SLC25A14: variants seen among roughly 807,000 people sequenced by gnomAD.
SLC25A14 encodes solute carrier family 25 member 14, also known as brain mitochondrial carrier protein 1.
In SLC25A14, 8 loss-of-function variants were observed where a neutral mutation model predicts 28.1. The observed-to-expected ratio is 0.28, with a 90% CI of 0.17 to 0.51. The LOEUF is 0.51. Among genes scored for constraint, SLC25A14 ranks in the 20% least tolerant of loss-of-function variants. The pLI is 0.97. For missense variants in SLC25A14, 135 were observed against 263.8 expected, an observed-to-expected ratio of 0.51 and a Z score of 3.38; for synonymous variants, 74 against 90.6, an observed-to-expected ratio of 0.82 and a Z score of 1.04.
chrX:130,367,804 T>TTTTA (rs1402453947), intron 9 of SLC25A14, among the ~76,000 whole-genome samples: 2 of 111,680 alleles, frequency 1.8e-5, no homozygotes, highest in South Asian at 7.6e-4. Flanking sequence ...GAATACCAAT[T>TTTTA]TTTATTTATT....
chrX:130,339,988 C>T lies in SLC25A14; in HGVS notation c.-173+12C>T. 1 of 924,527 alleles carries T rather than the reference C, an allele frequency of 1.1e-6. No homozygotes were observed. The highest frequency in any genetic ancestry group is 5.5e-5 in the East Asian group (1 of 18,044). 76.2% of individuals were successfully genotyped at this position (924,527 alleles called of 1,213,427 possible). The stretch of plus-strand genomic sequence containing the variant: ...ATGAGCCCGAGCAGGTGAGGGGGAG[C>T]TCCTGGACTTCCAGGCTGGGGAGCG... On this transcript the variant is annotated intron_variant, in intron 1 of 10. Coordinates refer to ENST00000545805, the MANE Select transcript of SLC25A14 (RefSeq NM_001282195.2).
In SLC25A14 at chrX:130,372,944, A is replaced by T; in HGVS notation, c.972A>T (p.Gln324His). The T allele has an allele frequency of 1.7e-6, 2 of 1,185,044 alleles. No individual in the cohort carries two copies. The highest frequency in any genetic ancestry group is 2.3e-6 in the Non-Finnish European group (2 of 873,965). ...CATACGAGCAGCTAAAGAGGCTTCA[A>T]ATCTAAGAACTGAATTATATGTGAG... ...FITYEQLKRL[Q>H]I The change falls in exon 11 of 11, where the codon CAA (glutamine) becomes CAT (histidine). Residue 324 changes from glutamine to histidine, a missense_variant. Transcript: ENST00000545805.
chrX:130,345,590 CTT>C (rs1010169129), intron 3 of SLC25A14, among the ~76,000 whole-genome samples: 2 of 111,671 alleles, frequency 1.8e-5, no homozygotes, highest in Non-Finnish European at 3.8e-5. Context: ...TATTAATAGT[CTT>C]TTATGCTAAA....
intron 7 of SLC25A14, 157 bp downstream of exon 7, chrX:130,358,892 C>A: frequency 1.5e-6 from 1 of 659,832 alleles, no homozygotes; most frequent in Non-Finnish European, 2.4e-6. Flanking sequence ...TTATCATTGG[C>A]CTTTTATTTC....
At chrX:130,348,536 C>T (rs773086098) in intron 4 of SLC25A14, among the ~76,000 whole-genome samples, 2 of 110,044 alleles carry the variant, frequency 1.8e-5, no homozygotes, top group African/African-American at 6.6e-5. Flanking sequence ...GTGCTAGTCC[C>T]TGTTTCATTT....
intron 6 of SLC25A14, among the ~76,000 whole-genome samples, chrX:130,357,136 A>G (rs777655814): frequency 3.1e-4 from 35 of 112,329 alleles, no homozygotes; most frequent in Admixed American, 6.6e-4. Flanking sequence ...GTCCCCTTTG[A>G]TGCAGAATGT....
chrX:130,349,357 T>G lies in SLC25A14; in HGVS notation c.412+12T>G. The G allele has an allele frequency of 1.9e-6, 2 of 1,042,529 alleles. No homozygotes were observed. Among genetic ancestry groups the G allele is most frequent in the Non-Finnish European group, 2.7e-6 (2 of 751,210 alleles). 85.9% of individuals were successfully genotyped at this position (1,042,529 alleles called of 1,213,427 possible). ...AGAACGTTTAGAAGGTCAGTATACTTACCCTCTTTTGAGGTGATACTCAAA... is the reference window on the plus strand; with the variant it reads ...AGAACGTTTAGAAGGTCAGTATACTGACCCTCTTTTGAGGTGATACTCAAA... On this transcript the variant is annotated intron_variant, in intron 5 of 10. Transcript: ENST00000545805.
intron 7 of SLC25A14, among the ~76,000 whole-genome samples, chrX:130,362,589 G>A (rs1263767104): frequency 4.5e-5 from 5 of 111,968 alleles, no homozygotes; most frequent in Non-Finnish European, 9.4e-5. Context: ...GATGTATTTC[G>A]TTCTAATCCT....
At chrX:130,340,032 C>T (rs2033194368) in intron 1 of SLC25A14, 56 bp downstream of exon 1, 1 of 986,060 alleles carries the variant, frequency 1.0e-6, no homozygotes, top group Non-Finnish European at 1.3e-6. Flanking sequence ...CCGCGCCAGG[C>T]CGCGCGGGGC....
At chrX:130,345,110 TA>T in intron 2 of SLC25A14, 71 bp from the exon 3 acceptor site, 1 of 745,397 alleles carries the variant, frequency 1.3e-6, no homozygotes, top group Non-Finnish European at 2.0e-6. Flanking sequence ...TTTGTTTATC[TA>T]AATTATATGA....
intron 9 of SLC25A14, among the ~76,000 whole-genome samples, chrX:130,368,546 G>A (rs2034180497): frequency 4.5e-5 from 5 of 112,153 alleles, no homozygotes; most frequent in African/African-American, 3.2e-5. Flanking sequence ...ATGATAAATA[G>A]ACAAATGTAA....
chrX:130,368,744 A>G (rs937021827), intron 9 of SLC25A14, among the ~76,000 whole-genome samples: 10 of 112,212 alleles, frequency 8.9e-5, no homozygotes, highest in African/African-American at 3.2e-4. Context: ...GAGGAAACTT[A>G]GGTTCAGAGT....
At position 130,358,720 on chromosome X, in the gene SLC25A14, C is replaced by G. The variant is rs1198570306; in HGVS notation, c.579C>G (p.Thr193=). 8 of 1,180,262 alleles carry G rather than the reference C, an allele frequency of 6.8e-6. No individual in the cohort carries two copies. The highest frequency in any genetic ancestry group is 9.2e-6 in the Non-Finnish European group (8 of 867,722). The change falls in exon 7 of 11, where the codon ACC becomes ACG. Residue 193 remains threonine, a synonymous_variant. Coordinates refer to ENST00000545805, the MANE Select transcript of SLC25A14 (RefSeq NM_001282195.2). ...TCGATATATACCAACAAGAAGGCAC[C>G]AGGGGTCTGTGGAGGGTAAGTACTC... ...SFIDIYQQEG[T]RGLWRGVVPT... is the part of the protein sequence containing the mutation.
At chrX:130,351,289 G>A (rs750856616) in intron 6 of SLC25A14, among the ~76,000 whole-genome samples, 2 of 111,646 alleles carry the variant, frequency 1.8e-5, no homozygotes, top group South Asian at 7.5e-4. Flanking sequence ...GCCTATTTTA[G>A]TAACCAATTT....
At chrX:130,342,690 C>T (rs1603254642) in intron 2 of SLC25A14, among the ~76,000 whole-genome samples, 1 of 109,805 alleles carries the variant, frequency 9.1e-6, no homozygotes, top group Non-Finnish European at 1.9e-5. Context: ...GTAGGGAAGT[C>T]GTGATTGTGG....
intron 10 of SLC25A14, 71 bp from the exon 11 acceptor site, chrX:130,372,838 G>A (rs374480764): frequency 3.0e-5 from 21 of 697,658 alleles, no homozygotes; most frequent in African/African-American, 1.3e-4. Flanking sequence ...TTAAGAGAAT[G>A]CGATGCTAAT....
intron 2 of SLC25A14, among the ~76,000 whole-genome samples, chrX:130,340,816 G>T (rs2033232829): frequency 9.0e-6 from 1 of 111,290 alleles, no homozygotes; most frequent in African/African-American, 3.3e-5. Context: ...AAATGTGGTG[G>T]ATTTCCTCAA....
rs1286631770 is a variant in SLC25A14, at chrX:130,365,608, A to G, written c.787A>G (p.Met263Val). The change falls in exon 9 of 11, where the codon ATG becomes GTG. Residue 263 changes from methionine (M) to valine (V), a missense_variant. By Grantham distance (21) the Met-to-Val change is conservative (BLOSUM62 1). Transcript: ENST00000545805. Reference sequence around the variant, plus strand: ...CCCGGTTGATGTGGTTCGAACTCGCATGATGAACCAGAGGGCAATCGTGGG... The same window carrying G: ...CCCGGTTGATGTGGTTCGAACTCGCGTGATGAACCAGAGGGCAATCGTGGG... ...SNPVDVVRTR[M>V]MNQRAIVGHV... is the part of the protein sequence containing the mutation. 2 of 1,209,976 alleles carry G rather than the reference A, an allele frequency of 1.7e-6. No individual in the cohort carries two copies. Among genetic ancestry groups the G allele is most frequent in the African/African-American group, 1.7e-5 (1 of 57,188 alleles).
rs1350191540 is a variant in SLC25A14 at position 130,373,053 on chromosome X, C to T, written c.*103C>T. The T allele has an allele frequency of 6.9e-5, 43 of 627,149 alleles. No homozygotes were observed. The highest frequency in any genetic ancestry group is 9.1e-5 in the African/African-American group (4 of 44,101). The allele number at this position is 627,149 out of a possible 1,213,427, so 51.7% of individuals were successfully genotyped here. A position where few individuals can be genotyped will look rare whatever the true frequency, so the allele number is the denominator to read the frequency against. Reference sequence around the variant, plus strand: ...ACAATGTTGTAAGTGTTTACCAAGCCGTTGGTCTCCTAAGGGCCTCCTGAT... The same window carrying T: ...ACAATGTTGTAAGTGTTTACCAAGCTGTTGGTCTCCTAAGGGCCTCCTGAT... On this transcript the variant is annotated 3_prime_UTR_variant, in exon 11 of 11. Coordinates refer to ENST00000545805, the MANE Select transcript of SLC25A14 (RefSeq NM_001282195.2).
Sources: gnomAD v4.1 joint callset for allele counts (sites outside exome capture counted in the v4.1 genomes callset) on GRCh38, gnomAD v4.1.1 for gene constraint, MANE v1.5 for transcripts, NCBI Gene and HGNC (gene_info 2026-07-23, HGNC 2026-07-21) for gene names.